TYRO3: variants seen among roughly 807,000 people sequenced by gnomAD.
TYRO3 encodes tyrosine-protein kinase receptor TYRO3.
TYRO3 carries 38 observed loss-of-function variants against 95.2 expected under a neutral mutation model. The observed-to-expected ratio is 0.40, with a 90% CI of 0.31 to 0.52. The LOEUF is 0.52. Among genes scored for constraint, TYRO3 ranks in the 20% least tolerant of loss-of-function variants. The pLI is 0.56. For synonymous variants in TYRO3, 367 were observed against 432.9 expected (o/e 0.85, Z 1.89); for missense variants, 812 against 1,116.4 (o/e 0.73, Z 3.89).
rs1230131137 is a variant in TYRO3 at position 41,561,168 on chromosome 15, CAG to C, written c.167_168del (p.Gln56ArgfsTer17). The C allele has an allele frequency of 6.2e-7, 1 of 1,614,100 alleles. No homozygotes were observed. The highest frequency in any genetic ancestry group is 8.5e-7 in the Non-Finnish European group (1 of 1,180,044). On this transcript the variant is annotated frameshift_variant, in exon 2 of 19. Transcript: ENST00000263798. LOFTEE classifies it high-confidence loss of function. ...MGAPVKLTVS[Q>X]GQPVKLNCSV... ...AGCCCCGGTGAAGCTGACAGTGTCT[CAG>C]GGGCAGCCGGTGAAGCTCAACTGCA...
chr15:41,575,027 C>T lies in TYRO3; in HGVS notation c.2282+1212C>T, dbSNP rs2055843554. On this transcript the variant is annotated intron_variant, in intron 18 of 18. Transcript: ENST00000263798. The stretch of plus-strand genomic sequence containing the variant: ...AGCCACCACGCCCAGCCCAGAGGAC[C>T]TTTCATGAGCCCCAGGGGGAGTGGG... Among the ~76,000 whole-genome samples, 2 of 152,200 alleles carry T rather than the reference C, an allele frequency of 1.3e-5. 1 individual carries two copies. Among genetic ancestry groups the T allele is most frequent in the South Asian group, 4.1e-4 (2 of 4,832 alleles).
intron 4 of TYRO3, 98 bp downstream of exon 4, chr15:41,562,816 C>A: frequency 7.9e-7 from 1 of 1,273,390 alleles, no homozygotes; most frequent in Non-Finnish European, 1.1e-6. Flanking sequence ...CGGTTGTGAG[C>A]GTCCAGAGCA....
chr15:41,571,172 C>T (rs377028820), intron 13 of TYRO3, 54 bp downstream of exon 13: 31 of 1,550,986 alleles, frequency 2.0e-5, no homozygotes, highest in African/African-American at 4.1e-5. Flanking sequence ...GTAAGAGGGG[C>T]GACTGACCCT....
At chr15:41,574,498 C>T (rs1032380883) in intron 18 of TYRO3, among the ~76,000 whole-genome samples, 4 of 152,202 alleles carry the variant, frequency 2.6e-5, no homozygotes, top group African/African-American at 9.7e-5. Flanking sequence ...TTTATCCCCA[C>T]TTTGTAGATG....
chr15:41,571,169 G>T, intron 13 of TYRO3, 51 bp downstream of exon 13: 1 of 1,572,200 alleles, frequency 6.4e-7, no homozygotes, highest in Non-Finnish European at 8.8e-7. Context: ...AGGGTAAGAG[G>T]GGCGACTGAC....
rs1466183303 is a variant in TYRO3 at position 41,570,606 on chromosome 15, G to A, written c.1486G>A (p.Asp496Asn). The change falls in exon 12 of 19, where the codon GAC (aspartate) becomes AAC (asparagine). Residue 496 changes from aspartate (D) to asparagine (N), a missense_variant and splice_region_variant. Physicochemically the swap from Asp to Asn is conservative, Grantham distance 23. Coordinates refer to ENST00000263798, the MANE Select transcript of TYRO3 (RefSeq NM_006293.4). The stretch of plus-strand genomic sequence containing the variant: ...TCCCACAAACCCTTTCCCCACAGTG[G>A]ACAGCTTGGGCATCAGCGATGAACT... ...ERPERIEATL[D>N]SLGISDELKE... The A allele has an allele frequency of 6.2e-7, 1 of 1,614,124 alleles. No homozygotes were observed. Among genetic ancestry groups the A allele is most frequent in the East Asian group, 2.2e-5 (1 of 44,886 alleles).
rs752427436 is a variant in TYRO3 at position 41,571,591 on chromosome 15, C to G, written c.1661-4C>G. 8.6e-7 allele frequency: 1 copy of G among 1,161,212 alleles called. No individual in the cohort carries two copies. Among genetic ancestry groups the G allele is most frequent in the Non-Finnish European group, 1.3e-6 (1 of 773,588 alleles). 71.9% of individuals were successfully genotyped at this position (1,161,212 alleles called of 1,614,324 possible). ...TTTCCTCCTTCCCCATCCCCTTCTC[C>G]TAGCTGACATCATTGCCTCAAGCGA... On this transcript the variant is annotated splice_region_variant and splice_polypyrimidine_tract_variant and intron_variant, in intron 13 of 18. Coordinates refer to ENST00000263798, the MANE Select transcript of TYRO3 (RefSeq NM_006293.4).
At chr15:41,561,091 T>C in intron 1 of TYRO3, 36 bp from the exon 2 acceptor site, 2 of 1,134,554 alleles carry the variant, frequency 1.8e-6, no homozygotes, top group East Asian at 2.3e-5. Context: ...ACAGAGTCCC[T>C]CTCAAGGCTG....
intron 11 of TYRO3, 67 bp downstream of exon 11, chr15:41,570,407 A>G: frequency 3.2e-6 from 5 of 1,553,244 alleles, no homozygotes; most frequent in South Asian, 2.3e-5. Flanking sequence ...TTCTTTTACC[A>G]AATTATTAAT....
At position 41,573,062 on chromosome 15, in the gene TYRO3, C is replaced by T. The variant is rs767316011; in HGVS notation, c.1936C>T (p.Leu646=). Residue 646 remains leucine (L), a synonymous_variant, in exon 16 of 19, where the codon CTG becomes TTG. Coordinates refer to ENST00000263798, the MANE Select transcript of TYRO3 (RefSeq NM_006293.4). ...MVDIACGMEY[L]SSRNFIHRDL... The stretch of plus-strand genomic sequence containing the variant: ...GGACATTGCCTGCGGCATGGAGTAC[C>T]TGAGCTCTCGGAACTTCATCCACCG... 1.9e-6 allele frequency: 3 copies of T among 1,614,054 alleles called. No homozygotes were observed. In the African/African-American group the frequency reaches 4.0e-5, roughly 22 times the overall value.
At chr15:41,565,436 G>A (rs1434774221) in intron 6 of TYRO3, among the ~76,000 whole-genome samples, 1 of 151,628 alleles carries the variant, frequency 6.6e-6, no homozygotes, top group Non-Finnish European at 1.5e-5. Flanking sequence ...TTTGAGACAG[G>A]GTCTCACTGT....
Position 41,570,589 on chromosome 15 carries a change from A to G in TYRO3, c.1484-15A>G. ...AATCAGAGATCCCTCTTTCCCACAA[A>G]CCCTTTCCCCACAGTGGACAGCTTG... On this transcript the variant is annotated splice_polypyrimidine_tract_variant and intron_variant, in intron 11 of 18. Coordinates refer to ENST00000263798, the MANE Select transcript of TYRO3 (RefSeq NM_006293.4). The G allele has an allele frequency of 1.0e-6, 1 of 975,788 alleles. No individual in the cohort carries two copies. Among genetic ancestry groups the G allele is most frequent in the Non-Finnish European group, 1.5e-6 (1 of 648,782 alleles). 60.4% of individuals were successfully genotyped at this position (975,788 alleles called of 1,614,324 possible).
intron 2 of TYRO3, 88 bp from the exon 3 acceptor site, chr15:41,561,451 A>G: frequency 4.4e-6 from 6 of 1,355,432 alleles, no homozygotes; most frequent in Non-Finnish European, 6.0e-6. Context: ...GACCTTCCAG[A>G]AGTGGGGGCA....
In TYRO3 at chr15:41,564,183, G is replaced by A. The variant is rs2055691470; in HGVS notation, c.581-1G>A. 6.2e-7 allele frequency: 1 copy of A among 1,614,038 alleles called. No homozygotes were observed. The highest frequency in any genetic ancestry group is 8.5e-7 in the Non-Finnish European group (1 of 1,179,956). ...AGCTGACTGAGGTTTTCTGGCCCCA[G>A]GGGTGACCCAGAGCACCATGTTTTC... On this transcript the variant is annotated splice_acceptor_variant, in intron 4 of 18. Coordinates refer to ENST00000263798, the MANE Select transcript of TYRO3 (RefSeq NM_006293.4). LOFTEE classifies it high-confidence loss of function.
chr15:41,564,110 A>G (rs1227580672), intron 4 of TYRO3, 74 bp from the exon 5 acceptor site: 13 of 1,367,894 alleles, frequency 9.5e-6, no homozygotes, highest in Admixed American at 1.7e-5. Context: ...CCAGAGCCTG[A>G]GTATTCCCCT....
chr15:41,574,796 T>G (rs2055841073), intron 18 of TYRO3: 2 of 452,684 alleles, frequency 4.4e-6, no homozygotes, highest in South Asian at 3.1e-5. Context: ...CTCTGCTTAC[T>G]GCAGCCTCAA....
At chr15:41,562,891 G>A (rs2055676242) in intron 4 of TYRO3, among the ~76,000 whole-genome samples, 173 bp downstream of exon 4, 1 of 152,208 alleles carries the variant, frequency 6.6e-6, no homozygotes, top group African/African-American at 2.4e-5. Flanking sequence ...GTGCTAGGCT[G>A]GCTGGGTGGG....
At chr15:41,577,826 A>G in intron 18 of TYRO3, 60 bp from the exon 19 acceptor site, 1 of 1,505,134 alleles carries the variant, frequency 6.6e-7, no homozygotes, top group Non-Finnish European at 8.9e-7. Flanking sequence ...CATATGATGA[A>G]GGGGCCCCTG....
chr15:41,569,692 A>G (rs1197228765), intron 9 of TYRO3, among the ~76,000 whole-genome samples: 1 of 152,198 alleles, frequency 6.6e-6, no homozygotes, highest in Non-Finnish European at 1.5e-5. Flanking sequence ...GCTTGAGCCC[A>G]GGAGGTTGAG....
Sources: allele counts gnomAD v4.1 joint callset (sites outside exome capture counted in the v4.1 genomes callset), GRCh38; gene constraint gnomAD v4.1.1; transcripts MANE v1.5; gene names NCBI Gene and HGNC (gene_info 2026-07-23, HGNC 2026-07-21).